The following SYT6 variants were observed in gnomAD, a reference collection of about 807,000 sequenced individuals.
The protein encoded by SYT6 is synaptotagmin 6.
A neutral mutation model predicts 38.4 loss-of-function variants in SYT6; 24 were observed. That is an observed-to-expected ratio of 0.62 (90% CI 0.45 to 0.88). The LOEUF is 0.88. Ranked by LOEUF, SYT6 falls within the 40% of genes least tolerant of loss-of-function variation. The pLI is 0.00. For synonymous variants in SYT6, 265 were observed against 241.9 expected, an observed-to-expected ratio of 1.10 and a Z score of -0.89; for missense variants, 611 against 621.0, an observed-to-expected ratio of 0.98 and a Z score of 0.17.
At chr1:114,142,136 T>C (rs943120614) in intron 1 of SYT6, among the ~76,000 whole-genome samples, 11 of 152,224 alleles carry the variant, frequency 7.2e-5, no homozygotes, top group Admixed American at 7.2e-4. Context: ...GCTTTAGCTG[T>C]CATAGACAGT....
intron 3 of SYT6, among the ~76,000 whole-genome samples, chr1:114,129,191 T>C (rs1172652179): frequency 6.6e-6 from 1 of 152,264 alleles, no homozygotes; most frequent in Non-Finnish European, 1.5e-5. Flanking sequence ...TGTCATCAAA[T>C]ACTGCTGGCT....
rs776356344 is a variant in SYT6 at position 114,137,954 on chromosome 1, A to G, written c.612T>C (p.Ile204=). 8 of 1,613,856 alleles carry G rather than the reference A, an allele frequency of 5.0e-6. No homozygotes were observed. Among genetic ancestry groups the G allele is most frequent in the Non-Finnish European group, 6.8e-6 (8 of 1,179,954 alleles). ...LPPAAEQPTS[I]GRIKPELYKQ... is the part of the protein sequence containing the mutation. ...TGTAGAGCTCAGGCTTGATGCGGCCAATGCTGGTGGGCTGCTCTGCTGCTG... is the reference window on the plus strand; with the variant it reads ...TGTAGAGCTCAGGCTTGATGCGGCCGATGCTGGTGGGCTGCTCTGCTGCTG... The change falls in exon 3 of 8, where the codon ATT becomes ATC. Residue 204 remains isoleucine, a synonymous_variant. Coordinates refer to ENST00000610222, the MANE Select transcript of SYT6 (RefSeq NM_001253772.2).
At chr1:114,105,696 C>T (rs1676261944) in intron 3 of SYT6, among the ~76,000 whole-genome samples, 2 of 152,208 alleles carry the variant, frequency 1.3e-5, no homozygotes, top group African/African-American at 4.8e-5. Flanking sequence ...GCATTTTCCC[C>T]TCCATTTCAC....
intron 4 of SYT6, among the ~76,000 whole-genome samples, chr1:114,103,392 A>G (rs1233232561): frequency 6.6e-6 from 1 of 152,270 alleles, no homozygotes; most frequent in Non-Finnish European, 1.5e-5. Context: ...CCCATGTAAG[A>G]TATTATTACT....
At chr1:114,146,330 A>T (rs889726161) in intron 1 of SYT6, among the ~76,000 whole-genome samples, 3 of 152,186 alleles carry the variant, frequency 2.0e-5, no homozygotes, top group African/African-American at 7.2e-5. Flanking sequence ...TTACATTGAG[A>T]TTAGAAAGGG....
intron 1 of SYT6, among the ~76,000 whole-genome samples, chr1:114,145,542 C>A (rs1479514562): frequency 7.9e-6 from 1 of 127,022 alleles, no homozygotes; most frequent in Admixed American, 8.9e-5. Context: ...GTTATGAGTT[C>A]ATGATCTAAA....
At chr1:114,144,761 A>T (rs1417981758) in intron 1 of SYT6, among the ~76,000 whole-genome samples, 2 of 152,166 alleles carry the variant, frequency 1.3e-5, no homozygotes, top group Non-Finnish European at 2.9e-5. Context: ...GCTCCAGGGA[A>T]AGAGATCCCA....
chr1:114,115,474 T>A (rs1676939311), intron 3 of SYT6, among the ~76,000 whole-genome samples: 1 of 151,236 alleles, frequency 6.6e-6, no homozygotes, highest in African/African-American at 2.4e-5. Flanking sequence ...TGGACTGCAG[T>A]GGTGCGATCT....
At chr1:114,137,027 G>A (rs1465332679) in intron 3 of SYT6, among the ~76,000 whole-genome samples, 1 of 152,104 alleles carries the variant, frequency 6.6e-6, no homozygotes, top group African/African-American at 2.4e-5. Context: ...GTTGGCTTGG[G>A]TCCCCAGGTA....
In SYT6 at chr1:114,089,406, G is replaced by C. The variant is rs933604342; in HGVS notation, c.*2728C>G. 4 of 152,680 alleles carry C rather than the reference G, an allele frequency of 2.6e-5. No individual in the cohort carries two copies. Among genetic ancestry groups the C allele is most frequent in the African/African-American group, 9.7e-5 (4 of 41,440 alleles). 9.5% of individuals were successfully genotyped at this position (152,680 alleles called of 1,614,324 possible). ...TTAAATGACAGTGCAATTAATTAAC[G>C]TCCTGGGTAAGCGCAGAGGGGGAGG... On this transcript the variant is annotated 3_prime_UTR_variant, in exon 8 of 8. Coordinates refer to ENST00000610222, the MANE Select transcript of SYT6 (RefSeq NM_001253772.2).
At chr1:114,150,031 G>A (rs1471844574) in intron 1 of SYT6, among the ~76,000 whole-genome samples, 1 of 152,122 alleles carries the variant, frequency 6.6e-6, no homozygotes, top group Non-Finnish European at 1.5e-5. Flanking sequence ...AGTTTAGTCG[G>A]AACTTTGTCT....
chr1:114,126,787 A>G (rs1478027614), intron 3 of SYT6, among the ~76,000 whole-genome samples: 1 of 152,244 alleles, frequency 6.6e-6, no homozygotes, highest in Admixed American at 6.5e-5. Flanking sequence ...CTTGCCCACC[A>G]GCTCTGTGCT....
rs765445385 is a variant in SYT6 at position 114,153,623 on chromosome 1, G to T, written c.150C>A (p.Ser50Arg). 6 of 603,450 alleles carry T rather than the reference G, an allele frequency of 9.9e-6. No homozygotes were observed. The highest frequency in any genetic ancestry group is 2.0e-5 in the African/African-American group (1 of 50,334). 37.4% of individuals were successfully genotyped at this position (603,450 alleles called of 1,614,324 possible). The change falls in exon 1 of 8, where the codon AGC becomes AGA. Residue 50 changes from serine (S) to arginine (R), a missense_variant. Coordinates refer to ENST00000610222, the MANE Select transcript of SYT6 (RefSeq NM_001253772.2). Reference protein sequence around the residue: ...FELQPPERSPSAAGAGTSVSL... With the variant: ...FELQPPERSPRAAGAGTSVSL... ...GTCTCCCGTTACCTGCGCCTGCCGCGCTGGGACTCCGCTCTGGGGGCTGCA... is the reference window on the plus strand; with the variant it reads ...GTCTCCCGTTACCTGCGCCTGCCGCTCTGGGACTCCGCTCTGGGGGCTGCA...
intron 3 of SYT6, among the ~76,000 whole-genome samples, chr1:114,117,705 C>T (rs1281972218): frequency 2.6e-5 from 4 of 152,154 alleles, no homozygotes; most frequent in African/African-American, 9.7e-5. Context: ...TCAGATGTTC[C>T]CAGTAAGAGA....
intron 3 of SYT6, among the ~76,000 whole-genome samples, chr1:114,108,079 G>A (rs1248551363): frequency 6.6e-6 from 1 of 151,866 alleles, no homozygotes; most frequent in Non-Finnish European, 1.5e-5. Flanking sequence ...CTGGCTGAAA[G>A]TCTTGGCTAG....
At chr1:114,135,440 C>T (rs1013129101) in intron 3 of SYT6, among the ~76,000 whole-genome samples, 5 of 152,164 alleles carry the variant, frequency 3.3e-5, no homozygotes, top group Admixed American at 2.0e-4. Context: ...ACCCCAGCCC[C>T]ACCCTCAACC....
At chr1:114,118,331 A>ATAG (rs1221365880) in intron 3 of SYT6, among the ~76,000 whole-genome samples, 2 of 152,190 alleles carry the variant, frequency 1.3e-5, no homozygotes, top group Non-Finnish European at 2.9e-5. Context: ...GGTGACACTA[A>ATAG]TAGTTATTTC....
chr1:114,093,556 A>T (rs1675444426), intron 7 of SYT6, among the ~76,000 whole-genome samples, 179 bp downstream of exon 7: 2 of 152,256 alleles, frequency 1.3e-5, no homozygotes, highest in Non-Finnish European at 2.9e-5. Flanking sequence ...AAGACAGAGA[A>T]GTCAAGACAC....
At chr1:114,148,391 G>T (rs1679262346) in intron 1 of SYT6, among the ~76,000 whole-genome samples, 1 of 152,234 alleles carries the variant, frequency 6.6e-6, no homozygotes, top group Admixed American at 6.5e-5. Flanking sequence ...CAAAAAGAAA[G>T]AACCATTTTC....
Sources: allele counts gnomAD v4.1 joint callset (sites outside exome capture counted in the v4.1 genomes callset), GRCh38; gene constraint gnomAD v4.1.1; transcripts MANE v1.5; gene names NCBI Gene and HGNC (gene_info 2026-07-23, HGNC 2026-07-21).